ROBO2: variants seen among roughly 807,000 people sequenced by gnomAD.
ROBO2 encodes the protein roundabout homolog 2.
ROBO2 carries 53 observed loss-of-function variants against 160.8 expected under a neutral mutation model. The ratio of observed to expected loss-of-function variants is 0.33; its 90% confidence interval spans 0.26 to 0.41. The LOEUF (loss-of-function observed/expected upper bound fraction) is 0.41. Ranked by LOEUF, ROBO2 falls within the 10% of genes least tolerant of loss-of-function variation. ROBO2 has a pLI of 1.00. For synonymous variants in ROBO2, 664 were observed against 611.7 expected (o/e 1.09, Z -1.26); for missense variants, 1,577 against 1,722.4 (o/e 0.92, Z 1.49).
intron 24 of ROBO2, among the ~76,000 whole-genome samples, chr3:77,642,206 G>A (rs1022423898): frequency 5.3e-5 from 8 of 152,158 alleles, no homozygotes; most frequent in Non-Finnish European, 1.2e-4. Context: ...ATATGACACG[G>A]CATACAGTTC....
At chr3:77,500,197 C>T (rs2087381316) in intron 5 of ROBO2, among the ~76,000 whole-genome samples, 1 of 152,136 alleles carries the variant, frequency 6.6e-6, no homozygotes, top group Non-Finnish European at 1.5e-5. Flanking sequence ...TTAGGGAGGA[C>T]TTACCATGTG....
At chr3:77,626,714 G>A (rs1342702637) in intron 23 of ROBO2, among the ~76,000 whole-genome samples, 1 of 152,164 alleles carries the variant, frequency 6.6e-6, no homozygotes, top group Non-Finnish European at 1.5e-5. Flanking sequence ...CCCTCAACGT[G>A]TAGCAAAGAT....
intron 5 of ROBO2, among the ~76,000 whole-genome samples, chr3:77,513,422 C>A (rs2089642072): frequency 6.6e-6 from 1 of 151,770 alleles, no homozygotes; most frequent in Non-Finnish European, 1.5e-5. Flanking sequence ...TATAGGAAAT[C>A]TTTCCACTAG....
At chr3:77,542,980 A>G (rs930462468) in intron 6 of ROBO2, among the ~76,000 whole-genome samples, 3 of 152,140 alleles carry the variant, frequency 2.0e-5, no homozygotes, top group Non-Finnish European at 2.9e-5. Context: ...ACTGTGACCT[A>G]GATTTCTTTT....
intron 2 of ROBO2, among the ~76,000 whole-genome samples, chr3:76,091,442 T>A (rs528840129): frequency 2.0e-5 from 3 of 152,152 alleles, no homozygotes; most frequent in Admixed American, 2.0e-4. Flanking sequence ...CTGAGGAGGA[T>A]GGGGAGCAAC....
intron 2 of ROBO2, among the ~76,000 whole-genome samples, chr3:76,465,482 G>T (rs866881503): frequency 6.6e-6 from 1 of 151,890 alleles, no homozygotes; most frequent in Admixed American, 6.6e-5. Context: ...TGAGATTTTT[G>T]ATTTATTACT....
intron 2 of ROBO2, among the ~76,000 whole-genome samples, chr3:76,606,288 C>A (rs1336059423): frequency 6.6e-6 from 1 of 152,106 alleles, no homozygotes; most frequent in African/African-American, 2.4e-5. Flanking sequence ...AACTAGAATC[C>A]AAACAGTGAA....
intron 2 of ROBO2, among the ~76,000 whole-genome samples, chr3:77,010,678 A>G (rs1262000259): frequency 6.6e-6 from 1 of 152,086 alleles, no homozygotes; most frequent in African/African-American, 2.4e-5. Context: ...GGCTCCTCTC[A>G]GCGCTTGTTT....
At position 76,142,203 on chromosome 3, in the gene ROBO2, G is replaced by A. The variant is rs893785464; in HGVS notation, c.109+204601G>A. Among the ~76,000 whole-genome samples, 8 of 151,994 alleles carry A rather than the reference G, an allele frequency of 5.3e-5. No individual in the cohort carries two copies. In the South Asian group the frequency reaches 6.2e-4, roughly 12 times the overall value. On this transcript the variant is annotated intron_variant, in intron 2 of 26. Transcript: ENST00000487694. ...ACACAAGAATAAAATCAATTGTTTC[G>A]GGTACACTTATGCAATAAATAAATA...
At chr3:76,785,364 T>C (rs1215427341) in intron 2 of ROBO2, among the ~76,000 whole-genome samples, 1 of 151,228 alleles carries the variant, frequency 6.6e-6, no homozygotes, top group Non-Finnish European at 1.5e-5. Context: ...TGAACTCTTA[T>C]AGTACTCTCT....
chr3:77,448,316 C>T (rs1172772491), intron 2 of ROBO2, among the ~76,000 whole-genome samples: 4 of 152,046 alleles, frequency 2.6e-5, no homozygotes, highest in African/African-American at 7.2e-5. Flanking sequence ...TATATAGCTG[C>T]CCCAGTGACC....
rs138270300 is a variant in ROBO2, at chr3:77,414,116, G to A, written c.389-63298G>A. 1.8e-3 allele frequency among the ~76,000 whole-genome samples: 279 copies of A among 152,182 alleles called. 2 individuals carry two copies. The highest frequency in any genetic ancestry group is 5.9e-3 in the African/African-American group (244 of 41,514). On this transcript the variant is annotated intron_variant, in intron 2 of 25. Coordinates refer to ENST00000461745, the Ensembl canonical transcript of ROBO2. ...AGAAAAAAAGAAAAAAAGAAAAACC[G>A]TAGCTAGTAGGCAGAAAACCAAATG...
intron 2 of ROBO2, among the ~76,000 whole-genome samples, chr3:77,125,534 C>T (rs548309190): frequency 1.3e-5 from 2 of 152,186 alleles, no homozygotes; most frequent in South Asian, 2.1e-4. Flanking sequence ...TTCTTCTTAA[C>T]GACGAAAAGA....
At position 76,118,998 on chromosome 3, in the gene ROBO2, T is replaced by A. The variant is rs181253838; in HGVS notation, c.109+181396T>A. 6.7e-4 allele frequency among the ~76,000 whole-genome samples: 102 copies of A among 152,292 alleles called. 1 individual carries two copies. The highest frequency in any genetic ancestry group is 3.4e-3 in the Middle Eastern group (1 of 294). On this transcript the variant is annotated intron_variant, in intron 2 of 26. Coordinates refer to the ROBO2 transcript ENST00000487694. The stretch of plus-strand genomic sequence containing the variant: ...AAAATCATCTAGCTGTAGGTAAAGA[T>A]CTTCTTCAGTTGCTTTCTTTAAATG...
Position 76,324,778 on chromosome 3 carries a change from T to G in ROBO2, c.109+387176T>G, listed in dbSNP as rs542755431. ...AGCACTTTACTACATGCAATTTCTCTGTTACCTAATATAATCTGAGAATGT... is the reference window on the plus strand; with the variant it reads ...AGCACTTTACTACATGCAATTTCTCGGTTACCTAATATAATCTGAGAATGT... On this transcript the variant is annotated intron_variant, in intron 2 of 26. Transcript: ENST00000487694. Among the ~76,000 whole-genome samples, 62 of 152,342 alleles carry G rather than the reference T, an allele frequency of 4.1e-4. 1 individual carries two copies. The highest frequency in any genetic ancestry group is 6.6e-4 in the Non-Finnish European group (45 of 68,032).
intron 2 of ROBO2, among the ~76,000 whole-genome samples, chr3:76,096,184 T>C (rs778969836): frequency 4.6e-5 from 7 of 152,156 alleles, no homozygotes; most frequent in South Asian, 2.1e-4. Flanking sequence ...ATCACAGACC[T>C]CGAGTTTACT....
intron 2 of ROBO2, among the ~76,000 whole-genome samples, chr3:76,090,450 A>C (rs901630888): frequency 1.3e-5 from 2 of 151,606 alleles, no homozygotes; most frequent in Non-Finnish European, 2.9e-5. Flanking sequence ...CAAAAACAAA[A>C]AGCTAAATAA....
intron 21 of ROBO2, among the ~76,000 whole-genome samples, chr3:77,613,388 T>C (rs1204592888): frequency 6.6e-6 from 1 of 152,186 alleles, no homozygotes; most frequent in African/African-American, 2.4e-5. Flanking sequence ...TATGATATCC[T>C]TGGCAACGAA....
At chr3:76,849,261 T>G (rs756363695) in intron 2 of ROBO2, among the ~76,000 whole-genome samples, 4 of 152,174 alleles carry the variant, frequency 2.6e-5, no homozygotes, top group Non-Finnish European at 5.9e-5. Flanking sequence ...TCTAATACAC[T>G]TAGGGGGTAT....
Sources: gnomAD v4.1 joint callset for allele counts (sites outside exome capture counted in the v4.1 genomes callset) on GRCh38, gnomAD v4.1.1 for gene constraint, MANE v1.5 for transcripts, NCBI Gene and HGNC (gene_info 2026-07-23, HGNC 2026-07-21) for gene names.